Variants in PHC2 observed in about 807,000 individuals in gnomAD.
PHC2 encodes polyhomeotic homolog 2, also known as polyhomeotic-like protein 2.
Under a neutral mutation model 87.4 loss-of-function variants are expected in PHC2, and 29 were observed. That is an observed-to-expected ratio of 0.33 (90% CI 0.25 to 0.45). The LOEUF (loss-of-function observed/expected upper bound fraction) is 0.45, where lower values mean the gene tolerates loss of function less well. Among genes scored for constraint, PHC2 ranks in the 20% least tolerant of loss-of-function variants. The pLI is 1.00. For synonymous variants in PHC2, 438 were observed against 461.7 expected (o/e 0.95, Z 0.66); for missense variants, 857 against 1,136.7 (o/e 0.75, Z 3.54).
intron 1 of PHC2, among the ~76,000 whole-genome samples, chr1:33,409,777 T>C (rs1649910115): frequency 6.6e-6 from 1 of 152,190 alleles, no homozygotes; most frequent in Non-Finnish European, 1.5e-5. Context: ...TGTCTCATAA[T>C]ATATATTTGG....
chr1:33,355,675 T>A (rs1368724620), intron 7 of PHC2, among the ~76,000 whole-genome samples: 2 of 152,200 alleles, frequency 1.3e-5, no homozygotes, highest in East Asian at 3.8e-4. Flanking sequence ...CCAACCCAGC[T>A]CTGTGTGGCT....
rs79187489 is a variant in PHC2 at position 33,332,935 on chromosome 1, T to A, written c.1762-531A>T. Among the ~76,000 whole-genome samples the A allele has an allele frequency of 0.027, 4,118 of 152,242 alleles. 193 individuals carry two copies. Among genetic ancestry groups the A allele is most frequent in the African/African-American group, 0.091 (3,773 of 41,526 alleles). ...GCCACAGAGCCAATGAACTCTCAGT[T>A]GTCAGAACCCCAGAGCAGCTTATTT... On this transcript the variant is annotated intron_variant, in intron 10 of 14. Transcript: ENST00000683057. The surrounding 1 kb of genome is among the most constrained non-coding windows in gnomAD (Gnocchi z 4.2).
At position 33,357,977 on chromosome 1, in the gene PHC2, T is replaced by G. The variant is rs76019478; in HGVS notation, c.977-2724A>C. On this transcript the variant is annotated intron_variant, in intron 7 of 14. Coordinates refer to ENST00000683057, the MANE Select transcript of PHC2 (RefSeq NM_001385109.1). ...TAAGAGGATCAATGGCATGCCCCAC[T>G]ACTTGCTGGCTGTGCGGCCTGAGAC... is the stretch of plus-strand genomic sequence containing the variant. 3.4e-3 allele frequency among the ~76,000 whole-genome samples: 512 copies of G among 152,326 alleles called. 7 individuals are homozygous for G. The highest frequency in any genetic ancestry group is 0.012 in the African/African-American group (496 of 41,556).
intron 1 of PHC2, among the ~76,000 whole-genome samples, chr1:33,430,126 G>A (rs570688176): frequency 6.6e-6 from 1 of 152,242 alleles, no homozygotes; most frequent in African/African-American, 2.4e-5. Context: ...CAGACCTGGG[G>A]AGGGGGGAAG....
Position 33,355,272 on chromosome 1 carries a change from G to C in PHC2, c.977-19C>G, listed in dbSNP as rs200063016. The C allele has an allele frequency of 1.3e-6, 2 of 1,537,752 alleles. No individual in the cohort carries two copies. Among genetic ancestry groups the C allele is most frequent in the Admixed American group, 3.8e-5 (2 of 52,284 alleles). ...GCATAGGCTGAAAGGGGAAAGGCCA[G>C]GTTAGAGAGCATGGCTTGACCTTCT... On this transcript the variant is annotated intron_variant, in intron 7 of 14. Coordinates refer to ENST00000683057, the MANE Select transcript of PHC2 (RefSeq NM_001385109.1).
chr1:33,410,252 A>G (rs981195488), intron 1 of PHC2, among the ~76,000 whole-genome samples: 4 of 152,182 alleles, frequency 2.6e-5, no homozygotes, highest in African/African-American at 9.6e-5. Context: ...ATGATCCATC[A>G]TCTCTTTCCT....
chr1:33,390,532 C>T (rs1648996312), intron 1 of PHC2, among the ~76,000 whole-genome samples: 1 of 152,324 alleles, frequency 6.6e-6, no homozygotes, highest in East Asian at 1.9e-4. Flanking sequence ...GCCCAACCAC[C>T]ACCATCCGCC....
intron 1 of PHC2, among the ~76,000 whole-genome samples, chr1:33,408,551 C>T (rs1649858286): frequency 6.6e-6 from 1 of 152,156 alleles, no homozygotes; most frequent in South Asian, 2.1e-4. Flanking sequence ...ACCTCCGCCT[C>T]CCAGATTCAA....
intron 1 of PHC2, among the ~76,000 whole-genome samples, chr1:33,404,911 T>C (rs889320859): frequency 2.0e-5 from 3 of 152,178 alleles, no homozygotes; most frequent in African/African-American, 4.8e-5. Context: ...TTTGCATTAG[T>C]TGGTAATGAA....
At chr1:33,347,412 G>A (rs1230434269) in intron 9 of PHC2, 1 of 984,928 alleles carries the variant, frequency 1.0e-6, no homozygotes, top group African/African-American at 1.7e-5. Flanking sequence ...TTAGAGGGAA[G>A]AGTAAATAAT....
rs1236794118 is a variant in PHC2 at position 33,369,692 on chromosome 1, T to A, written c.576+729A>T. On this transcript the variant is annotated intron_variant, in intron 5 of 14. Transcript: ENST00000683057. This position sits in a 1 kb window ranked among gnomAD's most constrained non-coding sequence, Gnocchi z 4.7. ...ACTGTGTTACTTTCGGGATAGTGTG[T>A]CAAGAGCCCGAAGGAGCAGACTTCA... 6.6e-6 allele frequency among the ~76,000 whole-genome samples: 1 copy of A among 152,066 alleles called. No individual in the cohort carries two copies. Among genetic ancestry groups the A allele is most frequent in the Non-Finnish European group, 1.5e-5 (1 of 67,994 alleles).
intron 1 of PHC2, among the ~76,000 whole-genome samples, chr1:33,405,260 G>A (rs1002728882): frequency 6.7e-6 from 1 of 150,224 alleles, no homozygotes; most frequent in African/African-American, 2.5e-5. Context: ...GCGCAATCTT[G>A]GCTCGCTGCA....
At chr1:33,392,318 CTT>C (rs1487626903) in intron 1 of PHC2, among the ~76,000 whole-genome samples, 1 of 152,206 alleles carries the variant, frequency 6.6e-6, no homozygotes, top group East Asian at 1.9e-4. Context: ...CAGTTCTAAA[CTT>C]CAGTTTATGG....
chr1:33,426,935 A>G (rs139268433), intron 1 of PHC2, among the ~76,000 whole-genome samples: 13 of 152,342 alleles, frequency 8.5e-5, no homozygotes, highest in African/African-American at 2.9e-4. Context: ...GAATTTCAAG[A>G]CAGCAACAAG....
chr1:33,333,313 G>A (rs564122296), intron 10 of PHC2: 4 of 152,226 alleles, frequency 2.6e-5, no homozygotes, highest in Non-Finnish European at 5.9e-5. Context: ...ACCACTCATG[G>A]AACCAAAGAA....
At position 33,375,550 on chromosome 1, in the gene PHC2, G is replaced by A; in HGVS notation, c.-11C>T. ...CAGCTCATTCTCCATGGCCTGCAGT[G>A]TGGCGCAGTCAGGGCGCTCGGATGG... On this transcript the variant is annotated 5_prime_UTR_variant, in exon 2 of 15. Coordinates refer to ENST00000683057, the MANE Select transcript of PHC2 (RefSeq NM_001385109.1). The A allele has an allele frequency of 6.6e-7, 1 of 1,516,590 alleles. No homozygotes were observed. Among genetic ancestry groups the A allele is most frequent in the Non-Finnish European group, 8.9e-7 (1 of 1,124,322 alleles). 93.9% of individuals were successfully genotyped at this position (1,516,590 alleles called of 1,614,324 possible).
chr1:33,329,105 C>T lies in PHC2; in HGVS notation c.2190G>A (p.Gln730=). Residue 730 remains glutamine, a synonymous_variant, in exon 14 of 15, where the codon CAG becomes CAA. Transcript: ENST00000683057. ...TVPLSVTAAL[Q]LTHSQEDSSR... ...TGGAGTCTTCCTGGCTGTGTGTTAG[C>T]TGCAAAGCAGCAGTAACCGAAAGGG... 2.5e-6 allele frequency: 4 copies of T among 1,614,188 alleles called. No homozygotes were observed. Among genetic ancestry groups the T allele is most frequent in the Non-Finnish European group, 3.4e-6 (4 of 1,180,032 alleles).
intron 1 of PHC2, among the ~76,000 whole-genome samples, chr1:33,426,300 G>A (rs1650665628): frequency 6.7e-6 from 1 of 148,486 alleles, no homozygotes; most frequent in Admixed American, 6.7e-5. Flanking sequence ...GTGGCAACCA[G>A]TGGGGTTCAA....
At position 33,369,683 on chromosome 1, in the gene PHC2, G is replaced by A. The variant is rs1647703441; in HGVS notation, c.576+738C>T. ...AGGGGTGGGACTGTGTTACTTTCGG[G>A]ATAGTGTGTCAAGAGCCCGAAGGAG... On this transcript the variant is annotated intron_variant, in intron 5 of 14. Transcript: ENST00000683057. The surrounding 1 kb of genome is among the most constrained non-coding windows in gnomAD (Gnocchi z 4.7). Among the ~76,000 whole-genome samples, 2 of 152,304 alleles carry A rather than the reference G, an allele frequency of 1.3e-5. No individual in the cohort carries two copies. Among genetic ancestry groups the A allele is most frequent in the South Asian group, 4.1e-4 (2 of 4,822 alleles).
Sources: allele counts gnomAD v4.1 joint callset (sites outside exome capture counted in the v4.1 genomes callset), GRCh38; gene constraint gnomAD v4.1.1; non-coding constraint Gnocchi (gnomAD v3.1); transcripts MANE v1.5; gene names NCBI Gene and HGNC (gene_info 2026-07-23, HGNC 2026-07-21).